RNF213: variants seen among roughly 807,000 people sequenced by gnomAD.
The protein encoded by RNF213 is ring finger protein 213.
Under a neutral mutation model 514.4 loss-of-function variants are expected in RNF213, and 341 were observed. The observed-to-expected ratio is 0.66, with a 90% CI of 0.61 to 0.73. RNF213 has a LOEUF of 0.73. Among genes scored for constraint, RNF213 ranks in the 30% least tolerant of loss-of-function variants. The pLI is 0.00. For missense variants in RNF213, 5,767 were observed against 6,615.6 expected (o/e 0.87, Z 4.45); for synonymous variants, 2,655 against 2,658.2 (o/e 1.00, Z 0.04).
rs1194113748 is a variant in RNF213, at chr17:80,298,515, A to C, written c.2207A>C (p.Asp736Ala). Reference sequence around the variant, plus strand: ...TCACCGTTCCGGGAACAAATGCTAGATACGTAAGTCGTAGAGTTGTGCTTA... The same window carrying C: ...TCACCGTTCCGGGAACAAATGCTAGCTACGTAAGTCGTAGAGTTGTGCTTA... ...SFSPFREQML[D>A]TSSLLQFMRE... Residue 736 changes from aspartate to alanine, a missense_variant, in exon 11 of 68, where the codon GAT (aspartate) becomes GCT (alanine). Coordinates refer to ENST00000582970, the MANE Select transcript of RNF213 (RefSeq NM_001256071.3). 3.7e-6 allele frequency: 6 copies of C among 1,614,132 alleles called. No individual in the cohort carries two copies. The East Asian group carries it at 1.3e-4, about 36-fold the overall frequency.
At chr17:80,312,945 C>A in intron 14 of RNF213, 67 bp from the exon 15 acceptor site, 1 of 1,579,168 alleles carries the variant, frequency 6.3e-7, no homozygotes, top group Non-Finnish European at 8.7e-7. Flanking sequence ...GGAGGGGGTG[C>A]AGCATCTCGC....
intron 37 of RNF213, among the ~76,000 whole-genome samples, chr17:80,359,356 T>A (rs1328946263): frequency 6.6e-6 from 1 of 151,550 alleles, no homozygotes; most frequent in African/African-American, 2.4e-5. Flanking sequence ...TGAGACCCCA[T>A]CACTACAAAA....
intron 3 of RNF213, among the ~76,000 whole-genome samples, chr17:80,276,093 TTTTA>T (rs199905492): frequency 2.5e-4 from 37 of 150,578 alleles, no homozygotes; most frequent in African/African-American, 6.8e-4. Context: ...TTATTTTTTG[TTTTA>T]TTTATTTATT....
intron 54 of RNF213, 135 bp from the exon 55 acceptor site, chr17:80,379,485 A>C: frequency 1.1e-6 from 1 of 873,974 alleles, no homozygotes; most frequent in East Asian, 2.5e-5. Flanking sequence ...CACCCACCCG[A>C]AACAAGCACA....
intron 55 of RNF213, 40 bp from the exon 56 acceptor site, chr17:80,380,791 C>T (rs781652356): frequency 6.2e-6 from 10 of 1,613,786 alleles, no homozygotes; most frequent in Non-Finnish European, 8.5e-6. Context: ...CCAAAGCGGC[C>T]AGCCTCAGCC....
rs1334007447 is a variant in RNF213 at position 80,264,148 on chromosome 17, T to A, written c.97+370T>A. 2.0e-5 allele frequency among the ~76,000 whole-genome samples: 3 copies of A among 151,924 alleles called. No homozygotes were observed. ...TGCTGGAGGTTCCTGCTTTTGAAAA[T>A]TTTCAGTTTCATTTCCTAGAGAGAG... On this transcript the variant is annotated intron_variant, in intron 2 of 67. Transcript: ENST00000582970. The surrounding 1 kb of genome is among the most constrained non-coding windows in gnomAD (Gnocchi z 5.0).
intron 51 of RNF213, 55 bp from the exon 52 acceptor site, chr17:80,376,246 G>C: frequency 6.3e-7 from 1 of 1,598,332 alleles, no homozygotes; most frequent in Non-Finnish European, 8.6e-7. Flanking sequence ...ATGTCTAAGA[G>C]CAATTCACAC....
chr17:80,293,305 G>A (rs953277813), intron 8 of RNF213, among the ~76,000 whole-genome samples: 5 of 151,794 alleles, frequency 3.3e-5, no homozygotes, highest in Non-Finnish European at 5.9e-5. Context: ...CAAGCAATCC[G>A]CCCATCTTGG....
chr17:80,360,139 C>G lies in RNF213; in HGVS notation c.11133C>G (p.Phe3711Leu). The G allele has an allele frequency of 6.2e-7, 1 of 1,614,162 alleles. No homozygotes were observed. The highest frequency in any genetic ancestry group is 1.1e-5 in the South Asian group (1 of 91,080). ...AGAACGCTTCCAACAACGTCCCTTT[C>G]AGCTGGAAAATCAAGGACTATCTGG... Reference protein sequence around the residue: ...LSENASNNVPFSWKIKDYLEE... With the variant: ...LSENASNNVPLSWKIKDYLEE... The change falls in exon 38 of 68, where the codon TTC becomes TTG. Residue 3711 changes from phenylalanine to leucine, a missense_variant. Phe to Leu is a conservative substitution (Grantham distance 22, BLOSUM62 0). Around this residue, in one of 13 missense-constraint regions of RNF213, gnomAD observed 919 missense variants for 1,121.0 expected, o/e 0.82. Transcript: ENST00000582970.
At chr17:80,289,592 GAA>G (rs747519394) in intron 5 of RNF213, 65 bp from the exon 6 acceptor site, 5,423 of 1,285,122 alleles carry the variant, frequency 4.2e-3, no homozygotes, top group Admixed American at 5.7e-3. Flanking sequence ...CTCTGTCTCA[GAA>G]AAAAAAAAAA....
intron 13 of RNF213, 42 bp from the exon 14 acceptor site, chr17:80,308,976 C>A (rs1395658167): frequency 6.2e-7 from 1 of 1,612,534 alleles, no homozygotes; most frequent in East Asian, 2.2e-5. Context: ...CTGGCTTCTC[C>A]TAAATCCTTG....
rs150540163 is a variant in RNF213 at position 80,298,399 on chromosome 17, C to T, written c.2091C>T (p.Val697=). 16 of 1,614,082 alleles carry T rather than the reference C, an allele frequency of 9.9e-6. No individual in the cohort carries two copies. The highest frequency in any genetic ancestry group is 1.3e-5 in the Non-Finnish European group (15 of 1,180,052). ...ACACCTGGCTGGGCGCCCTGCCTGT[C>T]CTGCACTGCTGTATGGAGCTGGCCC... ...RTYTWLGALP[V]LHCCMELAPR... Residue 697 remains valine, a synonymous_variant, in exon 11 of 68, where the codon GTC becomes GTT. Transcript: ENST00000582970.
rs1228074931 is a variant in RNF213, at chr17:80,398,681, G to A, written c.*5183G>A. The stretch of plus-strand genomic sequence containing the variant: ...AGGCAAGGAAAGACCAGCAGAGAGA[G>A]AAAGAGGAAGAGACAGACAAAGAGG... On this transcript the variant is annotated 3_prime_UTR_variant, in exon 68 of 68. Transcript: ENST00000582970. The A allele has an allele frequency of 6.9e-6, 1 of 145,928 alleles. No individual in the cohort carries two copies. The highest frequency in any genetic ancestry group is 1.5e-5 in the Non-Finnish European group (1 of 67,052). The allele number at this position is 145,928 out of a possible 1,614,324, so 9.0% of individuals were successfully genotyped here.
rs1188597841 is a variant in RNF213, at chr17:80,394,593, T to A, written c.*1095T>A. ...TTCCTAGACAGCTCAGCACAGCTATTGATATGTTAGAGGCAGTATCCTTAA... is the reference window on the plus strand; with the variant it reads ...TTCCTAGACAGCTCAGCACAGCTATAGATATGTTAGAGGCAGTATCCTTAA... On this transcript the variant is annotated 3_prime_UTR_variant, in exon 68 of 68. Transcript: ENST00000582970. 6.6e-6 allele frequency: 1 copy of A among 152,256 alleles called. No homozygotes were observed. The allele number at this position is 152,256 out of a possible 1,614,324, so 9.4% of individuals were successfully genotyped here.
At position 80,347,044 on chromosome 17, in the gene RNF213, C is replaced by T; in HGVS notation, c.8709C>T (p.Gly2903=). The T allele has an allele frequency of 1.2e-6, 2 of 1,614,068 alleles. No homozygotes were observed. The highest frequency in any genetic ancestry group is 8.5e-7 in the Non-Finnish European group (1 of 1,180,018). ...ACCGGGGCATTTTTGTGTCACGTGG[C>T]AGCCCCAACGAGACAGAGCTCATAG... ...KMNRGIFVSR[G]SPNETELIES... is the part of the protein sequence containing the mutation. The change falls in exon 29 of 68, where the codon GGC becomes GGT. Residue 2903 remains glycine (G), a synonymous_variant. Transcript: ENST00000582970. This position sits in a 1 kb window ranked among gnomAD's most constrained non-coding sequence, Gnocchi z 7.2.
In RNF213 at chr17:80,364,729, T is replaced by C. The variant is rs1022609778; in HGVS notation, c.11871+176T>C. 5.7e-6 allele frequency: 4 copies of C among 703,152 alleles called. No homozygotes were observed. The African/African-American group carries it at 7.1e-5, about 12-fold the overall frequency. 43.6% of individuals were successfully genotyped at this position (703,152 alleles called of 1,614,324 possible). ...CCATTACATTTTCCATGTTTAATTG[T>C]TTAATTATTTACCCTCTGCTGATTG... is the stretch of plus-strand genomic sequence containing the variant. On this transcript the variant is annotated intron_variant, in intron 42 of 67. Coordinates refer to ENST00000582970, the MANE Select transcript of RNF213 (RefSeq NM_001256071.3).
At chr17:80,333,717 A>C (rs1339190315) in intron 21 of RNF213, 5 of 169,984 alleles carry the variant, frequency 2.9e-5, no homozygotes, top group East Asian at 3.3e-4. Flanking sequence ...CAAAAAAAAA[A>C]CCTGGAATCC....
chr17:80,352,669 C>G (rs1005712215), intron 32 of RNF213: 1 of 622,536 alleles, frequency 1.6e-6, no homozygotes, highest in African/African-American at 1.8e-5. Flanking sequence ...GAACCACAGG[C>G]CTTATCCATG....
At chr17:80,383,958 T>C (rs1490939976) in intron 59 of RNF213, 30 bp downstream of exon 59, 18 of 1,613,944 alleles carry the variant, frequency 1.1e-5, no homozygotes, top group Non-Finnish European at 1.4e-5. Flanking sequence ...GCTCCCTCCC[T>C]CTTTCGGTGC....
Sources: allele counts gnomAD v4.1 joint callset (sites outside exome capture counted in the v4.1 genomes callset), GRCh38; gene constraint gnomAD v4.1.1; regional missense constraint gnomAD v4.1.1; non-coding constraint Gnocchi (gnomAD v3.1); transcripts MANE v1.5; gene names NCBI Gene and HGNC (gene_info 2026-07-23, HGNC 2026-07-21).